The following FMNL2 variants were observed in gnomAD, a reference collection of about 807,000 sequenced individuals.
The protein encoded by FMNL2 is formin like 2, also known as formin-like protein 2.
A neutral mutation model predicts 130.2 loss-of-function variants in FMNL2; 51 were observed. That is an observed-to-expected ratio of 0.39 (90% CI 0.31 to 0.49). The LOEUF (loss-of-function observed/expected upper bound fraction) is 0.49. Ranked by LOEUF, FMNL2 falls within the 20% of genes least tolerant of loss-of-function variation. The pLI is 0.85. For missense variants in FMNL2, 977 were observed against 1,316.2 expected (o/e 0.74, Z 3.99); for synonymous variants, 465 against 467.1 (o/e 1.00, Z 0.06).
At chr2:152,509,452 G>A (rs1288056459) in intron 1 of FMNL2, among the ~76,000 whole-genome samples, 1 of 151,376 alleles carries the variant, frequency 6.6e-6, no homozygotes, top group Non-Finnish European at 1.5e-5. Context: ...ATCTGTCCAT[G>A]TTCTGAGTAT....
intron 1 of FMNL2, among the ~76,000 whole-genome samples, chr2:152,430,596 T>C (rs1021655436): frequency 3.3e-5 from 5 of 152,226 alleles, no homozygotes; most frequent in Non-Finnish European, 7.4e-5. Flanking sequence ...TTTCAGGCCA[T>C]GCACGGTGGC....
intron 1 of FMNL2, among the ~76,000 whole-genome samples, chr2:152,520,160 G>A (rs183221617): frequency 2.0e-5 from 3 of 152,244 alleles, no homozygotes; most frequent in African/African-American, 4.8e-5. Flanking sequence ...GATATTCCAT[G>A]AAGACAGGCC....
rs1342757771 is a variant in FMNL2 at position 152,531,581 on chromosome 2, T to TCTCCTGC, written c.201+9567_201+9573dup. On this transcript the variant is annotated intron_variant, in intron 2 of 25. Transcript: ENST00000288670. Reference sequence around the variant, plus strand: ...CCTCCCCCTCCCAGGTTCAAGTGATTCTCCTGCCTCCTGCCTCCCGAGTAG... The same window carrying TCTCCTGC: ...CCTCCCCCTCCCAGGTTCAAGTGATTCTCCTGCCTCCTGCCTCCTGCCTCCCGAGTAG... 7.2e-5 allele frequency among the ~76,000 whole-genome samples: 11 copies of TCTCCTGC among 152,126 alleles called. 1 individual carries two copies. Among genetic ancestry groups the TCTCCTGC allele is most frequent in the Admixed American group, 3.9e-4 (6 of 15,280 alleles).
chr2:152,506,722 C>T (rs1174384070), intron 1 of FMNL2, among the ~76,000 whole-genome samples: 1 of 152,026 alleles, frequency 6.6e-6, no homozygotes, highest in African/African-American at 2.4e-5. Flanking sequence ...TTTCATGGTG[C>T]CTCCTAGACC....
chr2:152,483,639 G>A (rs917072252), intron 1 of FMNL2, among the ~76,000 whole-genome samples: 22 of 152,184 alleles, frequency 1.4e-4, no homozygotes, highest in African/African-American at 5.1e-4. Context: ...CTGATGCTAA[G>A]CCCCAGGAAA....
At chr2:152,423,486 A>G (rs1687022875) in intron 1 of FMNL2, among the ~76,000 whole-genome samples, 1 of 152,154 alleles carries the variant, frequency 6.6e-6, no homozygotes, top group South Asian at 2.1e-4. Context: ...AGCTAACTAG[A>G]TGGATGGAAG....
chr2:152,642,402 C>T lies in FMNL2; in HGVS notation c.3169+1488C>T, dbSNP rs374357696. ...TTAAAAAGGAAGTCAATAATGAATTCCCTTCCAGATTAAAGCAGTGTAGGT... is the reference window on the plus strand; with the variant it reads ...TTAAAAAGGAAGTCAATAATGAATTTCCTTCCAGATTAAAGCAGTGTAGGT... On this transcript the variant is annotated intron_variant, in intron 25 of 25. Transcript: ENST00000288670. Among the ~76,000 whole-genome samples, 4 of 152,150 alleles carry T rather than the reference C, an allele frequency of 2.6e-5. No homozygotes were observed. The East Asian group carries it at 5.8e-4, about 22-fold the overall frequency.
chr2:152,473,544 C>CAAGT (rs1689967437), intron 1 of FMNL2, among the ~76,000 whole-genome samples: 1 of 152,114 alleles, frequency 6.6e-6, no homozygotes. Context: ...GTCTAATACA[C>CAAGT]AAGTAATACT....
intron 9 of FMNL2, among the ~76,000 whole-genome samples, chr2:152,602,265 T>C (rs1698119016): frequency 6.6e-6 from 1 of 152,206 alleles, no homozygotes; most frequent in Non-Finnish European, 1.5e-5. Flanking sequence ...TGATCATTTT[T>C]ACATTAACTG....
intron 1 of FMNL2, among the ~76,000 whole-genome samples, chr2:152,508,533 G>T (rs558261777): frequency 5.8e-4 from 88 of 152,306 alleles, no homozygotes; most frequent in African/African-American, 2.0e-3. Context: ...TTTGCAGAAG[G>T]ATAGATTGGT....
At chr2:152,347,235 A>G (rs56025657) in intron 1 of FMNL2, among the ~76,000 whole-genome samples, 5 of 152,218 alleles carry the variant, frequency 3.3e-5, no homozygotes, top group African/African-American at 1.2e-4. Context: ...TGCTCACCTG[A>G]ACTTACTTTC....
At chr2:152,486,820 G>T (rs13418832) in intron 1 of FMNL2, among the ~76,000 whole-genome samples, 2 of 152,144 alleles carry the variant, frequency 1.3e-5, no homozygotes, top group South Asian at 2.1e-4. Context: ...AAAAGCTATC[G>T]TAACATGCCC....
chr2:152,491,883 G>C (rs536116492), intron 1 of FMNL2, among the ~76,000 whole-genome samples: 1 of 152,176 alleles, frequency 6.6e-6, no homozygotes, highest in East Asian at 1.9e-4. Context: ...CTCGGGAGGC[G>C]GAGGTTGCAG....
chr2:152,437,654 G>A (rs571980948), intron 1 of FMNL2, among the ~76,000 whole-genome samples: 28 of 152,044 alleles, frequency 1.8e-4, no homozygotes, highest in African/African-American at 5.5e-4. Context: ...ACAGTCTATC[G>A]GTTTGTGTGA....
At chr2:152,540,684 A>T (rs187639344) in intron 2 of FMNL2, among the ~76,000 whole-genome samples, 3,793 of 106,052 alleles carry the variant, frequency 0.036, 83 homozygotes, top group Non-Finnish European at 0.048. Flanking sequence ...CACTCTGGGG[A>T]CTGTGGTGGG....
At chr2:152,389,790 CA>C in intron 1 of FMNL2, 1 of 1,469,354 alleles carries the variant, frequency 6.8e-7, no homozygotes, top group Admixed American at 1.7e-5. Flanking sequence ...TCCTTCGACG[CA>C]AAACAGACTT....
chr2:152,335,566 G>A lies in FMNL2; in HGVS notation c.-38G>A, dbSNP rs1287421512. ...TTCTGATTTCCGACGCGCACGCTAGGGGCCCGGAGCAGCCCCCGGCCCCGG... is the reference window on the plus strand; with the variant it reads ...TTCTGATTTCCGACGCGCACGCTAGAGGCCCGGAGCAGCCCCCGGCCCCGG... On this transcript the variant is annotated 5_prime_UTR_variant, in exon 1 of 26. Transcript: ENST00000288670. 5 of 1,537,874 alleles carry A rather than the reference G, an allele frequency of 3.3e-6. No homozygotes were observed. The highest frequency in any genetic ancestry group is 4.4e-6 in the Non-Finnish European group (5 of 1,134,302).
At chr2:152,388,880 A>G (rs185782635) in intron 1 of FMNL2, among the ~76,000 whole-genome samples, 1 of 152,334 alleles carries the variant, frequency 6.6e-6, no homozygotes, top group East Asian at 1.9e-4. Context: ...CTTTTTGTTT[A>G]TAGAACTCAT....
chr2:152,621,558 C>T (rs1053036997), intron 15 of FMNL2, among the ~76,000 whole-genome samples: 2 of 152,058 alleles, frequency 1.3e-5, no homozygotes, highest in Non-Finnish European at 2.9e-5. Context: ...ATTTAGAGGA[C>T]TGTAGGTGGG....
Sources: gnomAD v4.1 joint callset for allele counts (sites outside exome capture counted in the v4.1 genomes callset) on GRCh38, gnomAD v4.1.1 for gene constraint, MANE v1.5 for transcripts, NCBI Gene and HGNC (gene_info 2026-07-23, HGNC 2026-07-21) for gene names.